EFNB2: variants seen among roughly 807,000 people sequenced by gnomAD.
The protein encoded by EFNB2 is ephrin B2.
EFNB2 carries 5 observed loss-of-function variants against 32.1 expected under a neutral mutation model. The observed-to-expected ratio is 0.16, with a 90% CI of 0.08 to 0.33. The LOEUF is 0.33. Ranked by LOEUF, EFNB2 falls within the 10% of genes least tolerant of loss-of-function variation. The pLI, the probability that EFNB2 is intolerant of heterozygous loss-of-function variation, is 1.00. For synonymous variants in EFNB2, 168 were observed against 166.5 expected, an observed-to-expected ratio of 1.01 and a Z score of -0.07; for missense variants, 263 against 422.6, an observed-to-expected ratio of 0.62 and a Z score of 3.31.
At chr13:106,502,437 A>G (rs1283912139) in intron 2 of EFNB2, among the ~76,000 whole-genome samples, 1 of 152,226 alleles carries the variant, frequency 6.6e-6, no homozygotes, top group Non-Finnish European at 1.5e-5. Flanking sequence ...GCTCAGAAAG[A>G]AGAGTGTTAA....
At chr13:106,506,761 G>C (rs1466095806) in intron 2 of EFNB2, 1 of 152,168 alleles carries the variant, frequency 6.6e-6, no homozygotes, top group African/African-American at 2.4e-5. Flanking sequence ...TGGTGTCAAA[G>C]GTGGAAGTAA....
chr13:106,528,746 C>T (rs143122920), intron 1 of EFNB2, among the ~76,000 whole-genome samples: 7 of 152,242 alleles, frequency 4.6e-5, no homozygotes, highest in African/African-American at 1.7e-4. Context: ...TGTTTAATGG[C>T]TGAAATGGAA....
intron 1 of EFNB2, among the ~76,000 whole-genome samples, chr13:106,532,466 T>C (rs1163570896): frequency 6.6e-6 from 1 of 152,174 alleles, no homozygotes; most frequent in Non-Finnish European, 1.5e-5. Flanking sequence ...TATTTACCGA[T>C]TCAAACTTTC....
At position 106,515,529 on chromosome 13, in the gene EFNB2, C is replaced by T. The variant is rs564630818; in HGVS notation, c.123-2717G>A. On this transcript the variant is annotated intron_variant, in intron 1 of 4. Transcript: ENST00000646441. Reference sequence around the variant, plus strand: ...CCTTTCAGAACACACTGTGGCAAAACGTGAGGCAAGAATTTGATCCTCGGC... The same window carrying T: ...CCTTTCAGAACACACTGTGGCAAAATGTGAGGCAAGAATTTGATCCTCGGC... Among the ~76,000 whole-genome samples the T allele has an allele frequency of 4.3e-4, 66 of 152,262 alleles. No homozygotes were observed. The South Asian group carries it at 0.013, about 30-fold the overall frequency.
chr13:106,527,342 G>A (rs1402127032), intron 1 of EFNB2, among the ~76,000 whole-genome samples: 1 of 152,018 alleles, frequency 6.6e-6, no homozygotes, highest in Non-Finnish European at 1.5e-5. Flanking sequence ...GAACAGCAGT[G>A]GTTCATTCAC....
At chr13:106,521,258 A>G (rs1225900701) in intron 1 of EFNB2, 1 of 152,292 alleles carries the variant, frequency 6.6e-6, no homozygotes, top group Non-Finnish European at 1.5e-5. Context: ...CACACCAATG[A>G]CAAGCAAAAT....
chr13:106,494,085 C>A (rs1006326153), intron 4 of EFNB2, among the ~76,000 whole-genome samples: 1 of 152,236 alleles, frequency 6.6e-6, no homozygotes, highest in Non-Finnish European at 1.5e-5. Context: ...ATCCATTTAT[C>A]AGTTTGTCAC....
chr13:106,531,801 A>C (rs1879880454), intron 1 of EFNB2, among the ~76,000 whole-genome samples: 1 of 152,200 alleles, frequency 6.6e-6, no homozygotes, highest in East Asian at 1.9e-4. Flanking sequence ...ATGCTATGTT[A>C]ACTAACTAGT....
intron 1 of EFNB2, among the ~76,000 whole-genome samples, chr13:106,531,366 T>C (rs557192462): frequency 6.6e-6 from 1 of 152,226 alleles, no homozygotes; most frequent in Admixed American, 6.5e-5. Flanking sequence ...CAGTTTATCA[T>C]CCTGACAAAA....
intron 1 of EFNB2, among the ~76,000 whole-genome samples, chr13:106,531,364 C>T (rs1043704439): frequency 6.6e-6 from 1 of 152,248 alleles, no homozygotes; most frequent in Non-Finnish European, 1.5e-5. Flanking sequence ...TACAGTTTAT[C>T]ATCCTGACAA....
At chr13:106,515,552 G>A (rs780453601) in intron 1 of EFNB2, among the ~76,000 whole-genome samples, 24 of 152,088 alleles carry the variant, frequency 1.6e-4, no homozygotes, top group Non-Finnish European at 2.9e-4. Flanking sequence ...TTTGATCCTC[G>A]GCTCTTCAAA....
intron 2 of EFNB2, among the ~76,000 whole-genome samples, chr13:106,511,223 TTCTC>T (rs1286267786): frequency 2.0e-5 from 3 of 152,222 alleles, no homozygotes; most frequent in Non-Finnish European, 2.9e-5. Context: ...CTCTACCACA[TTCTC>T]TCTTTTTTTT....
intron 2 of EFNB2, among the ~76,000 whole-genome samples, chr13:106,503,936 A>G (rs753603684): frequency 2.0e-5 from 3 of 152,192 alleles, no homozygotes; most frequent in Non-Finnish European, 2.9e-5. Context: ...ATAATTCCCT[A>G]TTGTCTATAT....
rs954164031 is a variant in EFNB2, at chr13:106,493,239, G to A, written c.803C>T (p.Ser268Leu). 3 of 1,614,192 alleles carry A rather than the reference G, an allele frequency of 1.9e-6. No individual in the cohort carries two copies. The highest frequency in any genetic ancestry group is 2.7e-5 in the African/African-American group (2 of 75,050). The change falls in exon 5 of 5, where the codon TCG becomes TTG. Residue 268 changes from serine to leucine, a missense_variant. Coordinates refer to ENST00000646441, the MANE Select transcript of EFNB2 (RefSeq NM_004093.4). This position sits in a 1 kb window ranked among gnomAD's most constrained non-coding sequence, Gnocchi z 6.1. ...KHSPQHTTTL[S>L]LSTLATPKRS... ...CTTGGGTGTGGCCAGTGTGCTGAGC[G>A]ACAGCGTGGTCGTGTGCTGCGGCGA...
At chr13:106,498,055 C>T (rs1453277032) in intron 2 of EFNB2, among the ~76,000 whole-genome samples, 1 of 152,058 alleles carries the variant, frequency 6.6e-6, no homozygotes, top group East Asian at 1.9e-4. Context: ...TGAACCTACA[C>T]GCAAAAGTGC....
At chr13:106,527,883 G>C (rs571837316) in intron 1 of EFNB2, among the ~76,000 whole-genome samples, 1 of 152,208 alleles carries the variant, frequency 6.6e-6, no homozygotes, top group East Asian at 1.9e-4. Flanking sequence ...CCCTGTTTCT[G>C]ATAGAAAGCT....
At position 106,518,027 on chromosome 13, in the gene EFNB2, T is replaced by C. The variant is rs1231899263; in HGVS notation, c.123-5215A>G. On this transcript the variant is annotated intron_variant, in intron 1 of 4. Transcript: ENST00000646441. The surrounding 1 kb of genome is among the most constrained non-coding windows in gnomAD (Gnocchi z 4.1). ...AGACATTTCAACTTCACAGTCATAA[T>C]TGTAAAAACTTTAAAAAATAGTCCT... The C allele has an allele frequency of 2.0e-5, 3 of 152,236 alleles. No individual in the cohort carries two copies. Among genetic ancestry groups the C allele is most frequent in the Non-Finnish European group, 4.4e-5 (3 of 68,042 alleles). 9.4% of individuals were successfully genotyped at this position (152,236 alleles called of 1,614,324 possible).
Position 106,494,904 on chromosome 13 carries a change from C to A in EFNB2, c.590G>T (p.Ser197Ile). 1 of 1,614,086 alleles carries A rather than the reference C, an allele frequency of 6.2e-7. No homozygotes were observed. The highest frequency in any genetic ancestry group is 8.5e-7 in the Non-Finnish European group (1 of 1,179,946). Residue 197 changes from serine to isoleucine, a missense_variant, in exon 4 of 5, where the codon AGT (serine) becomes ATT (isoleucine). By Grantham distance (142) the Ser-to-Ile change is moderately radical. Coordinates refer to ENST00000646441, the MANE Select transcript of EFNB2 (RefSeq NM_004093.4). ...AGTNGRSSTT[S>I]PFVKPNPGSS... is the part of the protein sequence containing the mutation. Reference sequence around the variant, plus strand: ...ACCTGGATTTGGTTTTACAAAGGGACTTGTTGTCGAACTTCTTCCATTTGT... The same window carrying A: ...ACCTGGATTTGGTTTTACAAAGGGAATTGTTGTCGAACTTCTTCCATTTGT...
At chr13:106,509,177 G>A (rs913685183) in intron 2 of EFNB2, among the ~76,000 whole-genome samples, 1 of 152,194 alleles carries the variant, frequency 6.6e-6, no homozygotes. Flanking sequence ...TTAGGAAGCA[G>A]GACTAGCAAG....
Sources: gnomAD v4.1 joint callset for allele counts (sites outside exome capture counted in the v4.1 genomes callset) on GRCh38, gnomAD v4.1.1 for gene constraint, Gnocchi (gnomAD v3.1) non-coding constraint, MANE v1.5 for transcripts, NCBI Gene and HGNC (gene_info 2026-07-23, HGNC 2026-07-21) for gene names.